The following PCGF3 variants were observed in gnomAD, a reference collection of about 807,000 sequenced individuals.
The protein encoded by PCGF3 is polycomb group RING finger protein 3.
Under a neutral mutation model 33.1 loss-of-function variants are expected in PCGF3, and 7 were observed. That is an observed-to-expected ratio of 0.21 (90% confidence interval 0.12 to 0.40). The LOEUF is 0.40. Ranked by LOEUF, PCGF3 falls within the 10% of genes least tolerant of loss-of-function variation. The pLI, the probability that PCGF3 is intolerant of heterozygous loss-of-function variation, is 1.00. For synonymous variants in PCGF3, 153 were observed against 121.3 expected (o/e 1.26, Z -1.72); for missense variants, 211 against 313.3 (o/e 0.67, Z 2.46).
intron 1 of PCGF3, among the ~76,000 whole-genome samples, chr4:727,630 T>C (rs1743386410): frequency 6.6e-6 from 1 of 152,198 alleles, no homozygotes; most frequent in African/African-American, 2.4e-5. Context: ...TTTTTCTCCT[T>C]GTATCTTTTG....
intron 6 of PCGF3, among the ~76,000 whole-genome samples, chr4:737,735 C>T (rs1743897804): frequency 6.6e-6 from 1 of 152,214 alleles, no homozygotes; most frequent in South Asian, 2.1e-4. Flanking sequence ...TATGTGTATT[C>T]ATTCAGCAAG....
chr4:749,867 G>T (rs1744437150), intron 8 of PCGF3, among the ~76,000 whole-genome samples: 1 of 152,204 alleles, frequency 6.6e-6, no homozygotes, highest in Admixed American at 6.5e-5. Flanking sequence ...ACCCAACCTG[G>T]AGTGCAATGG....
At chr4:747,948 G>A (rs2152597274) in intron 8 of PCGF3, among the ~76,000 whole-genome samples, 1 of 152,256 alleles carries the variant, frequency 6.6e-6, no homozygotes, top group Non-Finnish European at 1.5e-5. Flanking sequence ...AAACATGGCA[G>A]GTCAGTGGCC....
intron 6 of PCGF3, among the ~76,000 whole-genome samples, chr4:738,075 C>T (rs1389706072): frequency 3.3e-5 from 5 of 152,374 alleles, no homozygotes; most frequent in African/African-American, 1.2e-4. Context: ...GGTGGCCCTC[C>T]GCTGGCGACC....
intron 10 of PCGF3, 100 bp downstream of exon 10, chr4:765,164 T>C: frequency 1.2e-6 from 1 of 814,198 alleles, no homozygotes; most frequent in South Asian, 1.5e-5. Flanking sequence ...CTGGGTGCAG[T>C]GGCTCATGCC....
intron 4 of PCGF3, chr4:734,240 A>C: frequency 6.7e-7 from 1 of 1,494,984 alleles, no homozygotes; most frequent in Non-Finnish European, 9.0e-7. Context: ...GTGTTTTTCT[A>C]AGTGTGGCTA....
At chr4:769,882 G>A (rs1745550967) in exon 11 of PCGF3, 1 of 152,662 alleles carries the variant, frequency 6.6e-6, no homozygotes, top group Non-Finnish European at 1.5e-5. Flanking sequence ...TGATCACGAA[G>A]ATACATGTGT....
chr4:750,296 C>T lies in PCGF3; in HGVS notation c.462+5608C>T, dbSNP rs544010575. On this transcript the variant is annotated intron_variant, in intron 8 of 10. Coordinates refer to ENST00000362003, the Ensembl canonical transcript of PCGF3. ...GCCTTTTTGGGTTCCATCCACTCCTCTTTCTAGTCTCCTTCCCGGGCGGTC... is the reference window on the plus strand; with the variant it reads ...GCCTTTTTGGGTTCCATCCACTCCTTTTTCTAGTCTCCTTCCCGGGCGGTC... Among the ~76,000 whole-genome samples, 13 of 152,356 alleles carry T rather than the reference C, an allele frequency of 8.5e-5. No individual in the cohort carries two copies. In the East Asian group the frequency reaches 2.5e-3, roughly 29 times the overall value.
Position 754,873 on chromosome 4 carries a change from G to A in PCGF3, c.463-6406G>A, listed in dbSNP as rs115357554. On this transcript the variant is annotated intron_variant, in intron 8 of 10. Transcript: ENST00000362003. ...GAGGCCCAGGCAGGTGGCGGTGCGG[G>A]TGCAGCACTGGGTTTGGGGCATATT... 4.9e-3 allele frequency among the ~76,000 whole-genome samples: 751 copies of A among 152,322 alleles called. 8 individuals carry two copies. Among genetic ancestry groups the A allele is most frequent in the African/African-American group, 0.017 (723 of 41,558 alleles).
intron 4 of PCGF3, chr4:734,322 C>T (rs73221128): frequency 0.039 from 56,873 of 1,442,568 alleles, 1,381 homozygotes; most frequent in South Asian, 0.098. Context: ...CCATGGCTGG[C>T]GGCCCTGCTG....
intron 5 of PCGF3, among the ~76,000 whole-genome samples, chr4:735,404 G>T (rs1743782770): frequency 6.6e-6 from 1 of 152,162 alleles, no homozygotes; most frequent in African/African-American, 2.4e-5. Context: ...AAATTAGCTG[G>T]GTATGGTGGT....
exon 8 of PCGF3, chr4:744,620 A>G: frequency 3.8e-6 from 6 of 1,559,734 alleles, no homozygotes; most frequent in Non-Finnish European, 5.2e-6. Flanking sequence ...AGCAGACGAC[A>G]GTTCAAACAA....
intron 8 of PCGF3, among the ~76,000 whole-genome samples, chr4:752,011 G>A (rs1300209784): frequency 2.6e-5 from 4 of 152,258 alleles, no homozygotes; most frequent in Admixed American, 6.5e-5. Context: ...ACGCAAAAGC[G>A]TGTCGGGTTT....
chr4:748,958 C>T (rs1017707273), intron 8 of PCGF3, among the ~76,000 whole-genome samples: 1 of 152,072 alleles, frequency 6.6e-6, no homozygotes, highest in Non-Finnish European at 1.5e-5. Context: ...GCTGCTGCTC[C>T]CCTTTACTCT....
At chr4:733,887 A>G (rs1743724951) in intron 4 of PCGF3, 98 bp downstream of exon 4, 6 of 1,596,746 alleles carry the variant, frequency 3.8e-6, no homozygotes, top group Non-Finnish European at 5.1e-6. Flanking sequence ...CTTTTAGCTC[A>G]AGCCCGACAA....
rs945121791 is a variant in PCGF3 at position 719,387 on chromosome 4, G to A, written c.-189-11243G>A. Among the ~76,000 whole-genome samples, 6 of 152,358 alleles carry A rather than the reference G, an allele frequency of 3.9e-5. No individual in the cohort carries two copies. The South Asian group carries it at 8.3e-4, about 21-fold the overall frequency. On this transcript the variant is annotated intron_variant, in intron 1 of 10. Transcript: ENST00000362003. ...GTGCTTGGTGTGGTTCTGTGTGTCC[G>A]CACGAGGTTGATGAGAACCCTCGGT... is the stretch of plus-strand genomic sequence containing the variant.
At chr4:741,882 T>A (rs187256019) in intron 6 of PCGF3, among the ~76,000 whole-genome samples, 1 of 152,318 alleles carries the variant, frequency 6.6e-6, no homozygotes, top group African/African-American at 2.4e-5. Flanking sequence ...CGGACCTATG[T>A]GGCCTGTTGT....
At chr4:740,193 G>T (rs533776161) in intron 6 of PCGF3, among the ~76,000 whole-genome samples, 1 of 152,344 alleles carries the variant, frequency 6.6e-6, no homozygotes, top group South Asian at 2.1e-4. Flanking sequence ...AGCCCTTGAG[G>T]GTCCAGGTGT....
At chr4:719,124 T>G (rs933672340) in intron 1 of PCGF3, among the ~76,000 whole-genome samples, 3 of 152,082 alleles carry the variant, frequency 2.0e-5, no homozygotes, top group Admixed American at 6.5e-5. Flanking sequence ...CCGGCTATTT[T>G]TTGTATTTTT....
Sources: allele counts gnomAD v4.1 joint callset (sites outside exome capture counted in the v4.1 genomes callset), GRCh38; gene constraint gnomAD v4.1.1; transcripts MANE v1.5; gene names NCBI Gene and HGNC (gene_info 2026-07-23, HGNC 2026-07-21).